Variants in CSMD3 observed in about 807,000 individuals in gnomAD.
The protein encoded by CSMD3 is CUB and sushi domain-containing protein 3.
Under a neutral mutation model 435.2 loss-of-function variants are expected in CSMD3, and 177 were observed. The observed-to-expected ratio is 0.41, with a 90% confidence interval of 0.36 to 0.46. The LOEUF (loss-of-function observed/expected upper bound fraction) is 0.46, where lower values mean the gene tolerates loss of function less well. CSMD3 is among the 20% of genes least tolerant of loss of function. CSMD3 has a pLI of 0.34. For missense variants in CSMD3, 4,265 were observed against 4,504.6 expected (o/e 0.95, Z 1.52); for synonymous variants, 1,656 against 1,520.5 (o/e 1.09, Z -2.07).
intron 44 of CSMD3, among the ~76,000 whole-genome samples, chr8:112,336,158 C>T (rs866259574): frequency 1.3e-5 from 2 of 152,152 alleles, no homozygotes; most frequent in African/African-American, 4.8e-5. Context: ...GATGCTCCCA[C>T]TGTGGCCTCC....
intron 26 of CSMD3, among the ~76,000 whole-genome samples, chr8:112,551,392 T>C (rs1187393124): frequency 6.6e-6 from 1 of 152,128 alleles, no homozygotes; most frequent in African/African-American, 2.4e-5. Context: ...CGTTTCATGT[T>C]AAATCTATTC....
chr8:112,636,042 G>T (rs550517019), intron 22 of CSMD3, among the ~76,000 whole-genome samples: 1 of 152,184 alleles, frequency 6.6e-6, no homozygotes. Context: ...TCTATCATAA[G>T]ATGTACTGAT....
intron 2 of CSMD3, among the ~76,000 whole-genome samples, chr8:113,286,201 G>C (rs2093645452): frequency 6.6e-6 from 1 of 152,044 alleles, no homozygotes; most frequent in African/African-American, 2.4e-5. Flanking sequence ...TAGAACATGT[G>C]ATCCTGTCTC....
At chr8:113,231,460 G>A (rs1159617341) in intron 3 of CSMD3, among the ~76,000 whole-genome samples, 2 of 151,338 alleles carry the variant, frequency 1.3e-5, no homozygotes, top group East Asian at 1.9e-4. Flanking sequence ...CAAAATAGTA[G>A]CTCAAGTACA....
intron 4 of CSMD3, among the ~76,000 whole-genome samples, chr8:113,136,844 A>G (rs2091430491): frequency 1.3e-5 from 2 of 151,716 alleles, no homozygotes; most frequent in African/African-American, 4.8e-5. Context: ...GTAATTTTAT[A>G]GAATATAATA....
intron 32 of CSMD3, among the ~76,000 whole-genome samples, chr8:112,419,993 C>T (rs1404988383): frequency 1.3e-5 from 2 of 152,068 alleles, no homozygotes; most frequent in African/African-American, 4.8e-5. Context: ...TTGTTTTGAA[C>T]CATTTTCAAT....
chr8:112,570,653 T>C (rs1318160380), intron 24 of CSMD3, among the ~76,000 whole-genome samples: 1 of 152,202 alleles, frequency 6.6e-6, no homozygotes, highest in African/African-American at 2.4e-5. Context: ...GTTGCAGATA[T>C]GCAGAAGAAT....
chr8:113,421,057 C>G (rs2094606732), intron 1 of CSMD3, among the ~76,000 whole-genome samples: 1 of 151,276 alleles, frequency 6.6e-6, no homozygotes, highest in African/African-American at 2.4e-5. Flanking sequence ...AAACCTGATG[C>G]AGAAAATAAT....
intron 22 of CSMD3, among the ~76,000 whole-genome samples, chr8:112,633,078 T>C (rs749388498): frequency 6.6e-6 from 1 of 152,072 alleles, no homozygotes; most frequent in Non-Finnish European, 1.5e-5. Context: ...CGAGATTTTG[T>C]GTATTGAGTG....
At chr8:112,870,394 G>A (rs1446546335) in intron 10 of CSMD3, among the ~76,000 whole-genome samples, 2 of 150,518 alleles carry the variant, frequency 1.3e-5, no homozygotes, top group East Asian at 2.0e-4. Context: ...TCAGCCTCCC[G>A]AGTAGCTGGG....
At chr8:113,086,819 G>C (rs537638308) in intron 5 of CSMD3, among the ~76,000 whole-genome samples, 81 of 152,136 alleles carry the variant, frequency 5.3e-4, no homozygotes, top group South Asian at 1.2e-3. Context: ...TGAAAATTGA[G>C]TTTTCAGTTT....
chr8:112,417,798 CAATCTT>C (rs1812072436), intron 32 of CSMD3, among the ~76,000 whole-genome samples: 1 of 152,094 alleles, frequency 6.6e-6, no homozygotes, highest in Non-Finnish European at 1.5e-5. Flanking sequence ...TTTACTCCCT[CAATCTT>C]AATTCCTTCT....
chr8:112,743,295 C>T (rs1462634002), intron 13 of CSMD3, among the ~76,000 whole-genome samples: 1 of 147,982 alleles, frequency 6.8e-6, no homozygotes, highest in Non-Finnish European at 1.5e-5. Context: ...TACATTCTCA[C>T]CAAAAAAAAA....
chr8:112,232,053 T>G (rs925080777), intron 68 of CSMD3, among the ~76,000 whole-genome samples: 3 of 152,314 alleles, frequency 2.0e-5, no homozygotes, highest in Admixed American at 6.5e-5. Flanking sequence ...TCCTGTGACT[T>G]GCTTGGGCCT....
chr8:112,917,657 G>T (rs2082613637), intron 10 of CSMD3, among the ~76,000 whole-genome samples: 1 of 151,896 alleles, frequency 6.6e-6, no homozygotes, highest in Admixed American at 6.6e-5. Context: ...GGATTAATCT[G>T]TCAGTAACAG....
At chr8:113,328,852 C>G (rs1239493653) in intron 1 of CSMD3, among the ~76,000 whole-genome samples, 1 of 149,000 alleles carries the variant, frequency 6.7e-6, no homozygotes, top group African/African-American at 2.5e-5. Context: ...GCCATCCTCC[C>G]ATTTCAGCCT....
At chr8:112,719,937 G>A (rs141059824) in intron 13 of CSMD3, among the ~76,000 whole-genome samples, 1 of 152,142 alleles carries the variant, frequency 6.6e-6, no homozygotes, top group African/African-American at 2.4e-5. Flanking sequence ...CTGTGGATTA[G>A]ATGTAGTCAA....
intron 4 of CSMD3, among the ~76,000 whole-genome samples, chr8:113,120,606 G>C (rs1195374463): frequency 6.6e-6 from 1 of 152,144 alleles, no homozygotes; most frequent in Non-Finnish European, 1.5e-5. Flanking sequence ...AAGAAGATAT[G>C]TGTCAGGTTC....
chr8:112,485,089 G>C lies in CSMD3; in HGVS notation c.5278+7400C>G, dbSNP rs905091865. On this transcript the variant is annotated intron_variant, in intron 31 of 70. Coordinates refer to ENST00000297405, the MANE Select transcript of CSMD3 (RefSeq NM_198123.2). ...AGACTAGCATCCAGGAGGCCAACTG[G>C]AGACAGAGTGTATGTAAGACTGTCA... Among the ~76,000 whole-genome samples, 4 of 152,214 alleles carry C rather than the reference G, an allele frequency of 2.6e-5. No individual in the cohort carries two copies. In the East Asian group the frequency reaches 5.8e-4, roughly 22 times the overall value.
Sources: allele counts gnomAD v4.1 joint callset (sites outside exome capture counted in the v4.1 genomes callset), GRCh38; gene constraint gnomAD v4.1.1; transcripts MANE v1.5; gene names NCBI Gene and HGNC (gene_info 2026-07-23, HGNC 2026-07-21).